CWC22: variants seen among roughly 807,000 people sequenced by gnomAD.
CWC22 encodes pre-mRNA-splicing factor CWC22 homolog.
CWC22 carries 53 observed loss-of-function variants against 117.2 expected under a neutral mutation model. The observed-to-expected ratio is 0.45, with a 90% CI of 0.36 to 0.57. The LOEUF (loss-of-function observed/expected upper bound fraction) is 0.57. Among genes scored for constraint, CWC22 ranks in the 20% least tolerant of loss-of-function variants. The pLI is 0.00. For synonymous variants in CWC22, 360 were observed against 355.6 expected (o/e 1.01, Z -0.14); for missense variants, 980 against 1,068.8 (o/e 0.92, Z 1.16).
chr2:180,005,690 T>C (rs892760640), intron 1 of CWC22, among the ~76,000 whole-genome samples: 3 of 152,206 alleles, frequency 2.0e-5, no homozygotes, highest in African/African-American at 7.2e-5. Context: ...ACTCATCAAC[T>C]GTATCATAGT....
chr2:179,951,697 C>G (rs970576541), intron 17 of CWC22, among the ~76,000 whole-genome samples: 1 of 151,892 alleles, frequency 6.6e-6, no homozygotes, highest in Non-Finnish European at 1.5e-5. Flanking sequence ...AGAGAGAAGA[C>G]GAGCCTGGTC....
At chr2:179,959,148 TCTTA>T (rs1686681484) in intron 13 of CWC22, 66 bp from the exon 14 acceptor site, 3 of 930,700 alleles carry the variant, frequency 3.2e-6, no homozygotes, top group Admixed American at 2.3e-5. Context: ...TACACAAGAA[TCTTA>T]CTTTAATAAT....
chr2:179,984,561 T>C (rs1687366420), intron 4 of CWC22, among the ~76,000 whole-genome samples: 1 of 151,880 alleles, frequency 6.6e-6, no homozygotes, highest in Non-Finnish European at 1.5e-5. Context: ...GGGTATAATA[T>C]TGGTAGTAAA....
At chr2:179,976,445 G>A (rs1019852287) in intron 6 of CWC22, among the ~76,000 whole-genome samples, 1 of 152,142 alleles carries the variant, frequency 6.6e-6, no homozygotes, top group Non-Finnish European at 1.5e-5. Flanking sequence ...CTTCTGCACA[G>A]CACAGGAAAA....
intron 13 of CWC22, among the ~76,000 whole-genome samples, chr2:179,962,724 G>A (rs1686785616): frequency 6.6e-6 from 1 of 151,864 alleles, no homozygotes. Context: ...AAAAACAAGG[G>A]TCAAATAGCA....
At chr2:179,966,496 A>T (rs1333825499) in intron 11 of CWC22, among the ~76,000 whole-genome samples, 1 of 152,224 alleles carries the variant, frequency 6.6e-6, no homozygotes, top group Admixed American at 6.5e-5. Flanking sequence ...TAAAATACAT[A>T]TCTCTAAATT....
At chr2:179,948,729 C>G (rs1220661490) in intron 19 of CWC22, among the ~76,000 whole-genome samples, 4 of 151,660 alleles carry the variant, frequency 2.6e-5, no homozygotes, top group Non-Finnish European at 5.9e-5. Context: ...CAGAGGACTT[C>G]AAAAGTGTTA....
chr2:179,955,545 T>C (rs1451227169), intron 14 of CWC22, among the ~76,000 whole-genome samples: 2 of 151,964 alleles, frequency 1.3e-5, no homozygotes, highest in African/African-American at 2.4e-5. Flanking sequence ...AAAGTTAACG[T>C]TGATAAAGAA....
At chr2:179,983,299 T>C (rs1687331708) in intron 4 of CWC22, among the ~76,000 whole-genome samples, 1 of 152,084 alleles carries the variant, frequency 6.6e-6, no homozygotes, top group Non-Finnish European at 1.5e-5. Flanking sequence ...CCAGTGTGTG[T>C]TGTTCTCCAT....
chr2:179,946,213 G>T (rs562537622), intron 19 of CWC22, among the ~76,000 whole-genome samples: 4 of 152,172 alleles, frequency 2.6e-5, no homozygotes, highest in East Asian at 1.9e-4. Context: ...GGAAGCAGAG[G>T]GGGTGGGGGA....
chr2:179,966,671 A>C (rs890277724), intron 11 of CWC22, among the ~76,000 whole-genome samples: 1 of 152,216 alleles, frequency 6.6e-6, no homozygotes, highest in Non-Finnish European at 1.5e-5. Context: ...ATGAGACTAC[A>C]TAAGGCCAGT....
At chr2:179,958,405 TGC>T (rs1440333880) in intron 14 of CWC22, among the ~76,000 whole-genome samples, 4 of 151,874 alleles carry the variant, frequency 2.6e-5, no homozygotes, top group Admixed American at 2.6e-4. Flanking sequence ...ATGTAATATG[TGC>T]TGTGATCTTT....
Position 179,950,825 on chromosome 2 carries a change from G to A in CWC22, c.1919C>T (p.Thr640Met), listed in dbSNP as rs1487987931. Reference protein sequence around the residue: ...FFTSIGLGGLTDELREHLKNT... With the variant: ...FFTSIGLGGLMDELREHLKNT... ...CATAAATTCTGAGAATAATCCTTAC[G>A]TTAAACCTCCAAGACCTATAGAAGT... is the stretch of plus-strand genomic sequence containing the variant. The change falls in exon 18 of 20, where the codon ACG (threonine) becomes ATG (methionine). Residue 640 changes from threonine (T) to methionine (M), a missense_variant and splice_region_variant. This residue lies in a region of CWC22 where 115 missense variants were observed against 169.8 expected (regional missense o/e 0.68). Coordinates refer to ENST00000410053, the MANE Select transcript of CWC22 (RefSeq NM_020943.3). 3 of 1,601,390 alleles carry A rather than the reference G, an allele frequency of 1.9e-6. No homozygotes were observed. Among genetic ancestry groups the A allele is most frequent in the Admixed American group, 3.4e-5 (2 of 59,162 alleles).
chr2:179,988,016 A>G lies in CWC22; in HGVS notation c.95+561T>C, dbSNP rs111415529. ...ATCAGGCATTAGTTAGATTCTAATA[A>G]GGAGCACACAGCCTAGATCCCTCAC... On this transcript the variant is annotated intron_variant, in intron 3 of 19. Transcript: ENST00000410053. 3.5e-3 allele frequency among the ~76,000 whole-genome samples: 534 copies of G among 152,248 alleles called. 1 individual carries two copies. Among genetic ancestry groups the G allele is most frequent in the Middle Eastern group, 0.01 (3 of 294 alleles).
At chr2:179,947,930 C>G (rs1686351840) in intron 19 of CWC22, among the ~76,000 whole-genome samples, 1 of 152,148 alleles carries the variant, frequency 6.6e-6, no homozygotes, top group Admixed American at 6.5e-5. Flanking sequence ...CAGACAATCC[C>G]TTATTTGGAC....
intron 14 of CWC22, among the ~76,000 whole-genome samples, chr2:179,955,459 T>C (rs1686562748): frequency 6.6e-6 from 1 of 152,002 alleles, no homozygotes; most frequent in African/African-American, 2.4e-5. Flanking sequence ...TGCTAAGGAA[T>C]ATATTTAGCA....
intron 12 of CWC22, 130 bp from the exon 13 acceptor site, chr2:179,964,758 C>G (rs1411686857): frequency 1.8e-6 from 1 of 559,016 alleles, no homozygotes; most frequent in Non-Finnish European, 3.1e-6. Context: ...TATCTTTTTA[C>G]TGTGTAAATT....
chr2:179,949,486 C>T (rs1300539810), intron 19 of CWC22, among the ~76,000 whole-genome samples: 1 of 152,150 alleles, frequency 6.6e-6, no homozygotes, highest in Non-Finnish European at 1.5e-5. Flanking sequence ...TACCATTACA[C>T]ATCCACCAGA....
chr2:179,974,930 A>G (rs1370588327), intron 6 of CWC22, among the ~76,000 whole-genome samples: 2 of 152,022 alleles, frequency 1.3e-5, no homozygotes, highest in Admixed American at 6.6e-5. Context: ...TGTATTTTTC[A>G]TAGAGACAGG....
Sources: allele counts gnomAD v4.1 joint callset (sites outside exome capture counted in the v4.1 genomes callset), GRCh38; gene constraint gnomAD v4.1.1; regional missense constraint gnomAD v4.1.1; transcripts MANE v1.5; gene names NCBI Gene and HGNC (gene_info 2026-07-23, HGNC 2026-07-21).